TXNDC11: variants seen among roughly 807,000 people sequenced by gnomAD.
TXNDC11 encodes thioredoxin domain-containing protein 11.
TXNDC11 carries 68 observed loss-of-function variants against 78.0 expected under a neutral mutation model. The ratio of observed to expected loss-of-function variants is 0.87; its 90% CI spans 0.72 to 1.07. The LOEUF (loss-of-function observed/expected upper bound fraction) is 1.07, where lower values mean the gene tolerates loss of function less well. Ranked by LOEUF, TXNDC11 falls within the 50% of genes least tolerant of loss-of-function variation. TXNDC11 has a pLI of 0.00. For synonymous variants in TXNDC11, 571 were observed against 495.2 expected, an observed-to-expected ratio of 1.15 and a Z score of -2.03; for missense variants, 1,389 against 1,221.8, an observed-to-expected ratio of 1.14 and a Z score of -2.04.
At chr16:11,694,127 GA>G (rs2050794515) in intron 7 of TXNDC11, among the ~76,000 whole-genome samples, 1 of 22,534 alleles carries the variant, frequency 4.4e-5, no homozygotes, top group Non-Finnish European at 7.7e-5. Context: ...TTTTTTTTTT[GA>G]GACAGAGTTT....
At chr16:11,730,620 AG>A (rs747998187) in intron 4 of TXNDC11, 24 bp downstream of exon 4, 64 of 1,610,848 alleles carry the variant, frequency 4.0e-5, no homozygotes, top group Non-Finnish European at 5.3e-5. Flanking sequence ...TTGAGTATGG[AG>A]GAGGAGATAT....
chr16:11,733,972 A>C lies in TXNDC11; in HGVS notation c.569+10T>G. 1 of 1,591,914 alleles carries C rather than the reference A, an allele frequency of 6.3e-7. No homozygotes were observed. Among genetic ancestry groups the C allele is most frequent in the Non-Finnish European group, 8.6e-7 (1 of 1,164,518 alleles). On this transcript the variant is annotated intron_variant, in intron 3 of 11. Coordinates refer to ENST00000283033, the MANE Select transcript of TXNDC11 (RefSeq NM_015914.7). The stretch of plus-strand genomic sequence containing the variant: ...ACTGGAATGAGAGACGCTATTTAAA[A>C]AGTTCTTACCTCCGATGATACAGAT...
chr16:11,728,683 C>T (rs2051955177), intron 4 of TXNDC11, among the ~76,000 whole-genome samples: 1 of 152,198 alleles, frequency 6.6e-6, no homozygotes, highest in South Asian at 2.1e-4. Context: ...TGATGGCTCA[C>T]ACCTGTAATC....
chr16:11,684,198 C>T lies in TXNDC11; in HGVS notation c.2201G>A (p.Arg734His), dbSNP rs567736811. Residue 734 changes from arginine (R) to histidine (H), a missense_variant, in exon 11 of 12, where the codon CGT becomes CAT. Coordinates refer to ENST00000283033, the MANE Select transcript of TXNDC11 (RefSeq NM_015914.7). Reference protein sequence around the residue: ...NDLPWEFMVDRLPTVLFFPCN... With the variant: ...NDLPWEFMVDHLPTVLFFPCN... ...GGGAAAAAACAAGACAGTAGGAAGA[C>T]GATCGACCATAAATTCCCAAGGAAG... 16 of 1,613,714 alleles carry T rather than the reference C, an allele frequency of 9.9e-6. No individual in the cohort carries two copies. In the Admixed American group the frequency reaches 1.0e-4, roughly 10 times the overall value.
chr16:11,688,322 T>C lies in TXNDC11; in HGVS notation c.2024A>G (p.Glu675Gly). 2 of 1,613,984 alleles carry C rather than the reference T, an allele frequency of 1.2e-6. No homozygotes were observed. Among genetic ancestry groups the C allele is most frequent in the Non-Finnish European group, 1.7e-6 (2 of 1,179,990 alleles). Residue 675 changes from glutamate to glycine, a missense_variant, in exon 9 of 12, where the codon GAA becomes GGA. Physicochemically the swap from Glu to Gly is moderately conservative, Grantham distance 98 (BLOSUM62 -2). Coordinates refer to ENST00000283033, the MANE Select transcript of TXNDC11 (RefSeq NM_015914.7). ...CCATACCTGTTTTTGAAGGACTACT[T>C]CCCAAAAGGTATCAGTTGTCACTTC... ...ITEVTTDTFWEVVLQKQDVLL... is the reference protein window; with the variant it reads ...ITEVTTDTFWGVVLQKQDVLL...
At chr16:11,725,503 C>T (rs1027399171) in intron 4 of TXNDC11, among the ~76,000 whole-genome samples, 5 of 152,094 alleles carry the variant, frequency 3.3e-5, no homozygotes, top group Non-Finnish European at 7.3e-5. Context: ...AATTCAGGAA[C>T]CTTAAATATT....
At chr16:11,697,786 T>TTTCAC (rs1275427897) in intron 7 of TXNDC11, among the ~76,000 whole-genome samples, 9 of 152,238 alleles carry the variant, frequency 5.9e-5, no homozygotes, top group Non-Finnish European at 1.0e-4. Context: ...CCACTCCCTG[T>TTTCAC]TTCACCCCCT....
At chr16:11,738,983 C>T (rs904539519) in intron 1 of TXNDC11, among the ~76,000 whole-genome samples, 2 of 151,942 alleles carry the variant, frequency 1.3e-5, no homozygotes, top group African/African-American at 2.4e-5. Flanking sequence ...GCCAAGATCA[C>T]GCCATTGCAC....
chr16:11,730,540 G>T, intron 4 of TXNDC11, 105 bp downstream of exon 4: 1 of 1,195,604 alleles, frequency 8.4e-7, no homozygotes, highest in Non-Finnish European at 1.2e-6. Flanking sequence ...CCTTTTACTT[G>T]CTGCAATTCA....
intron 5 of TXNDC11, among the ~76,000 whole-genome samples, chr16:11,708,262 G>C (rs941372042): frequency 2.6e-5 from 4 of 152,158 alleles, no homozygotes; most frequent in Non-Finnish European, 5.9e-5. Flanking sequence ...CACTTATCTG[G>C]TAAGATCACA....
chr16:11,713,121 A>T (rs1202437503), intron 5 of TXNDC11, among the ~76,000 whole-genome samples: 1 of 150,228 alleles, frequency 6.7e-6, no homozygotes, highest in Non-Finnish European at 1.5e-5. Flanking sequence ...AAAAAAAAAA[A>T]AAAAAAAAAT....
chr16:11,696,617 C>A (rs369624872), intron 7 of TXNDC11, among the ~76,000 whole-genome samples: 6 of 152,324 alleles, frequency 3.9e-5, no homozygotes, highest in Admixed American at 1.3e-4. Context: ...GATGCCACCT[C>A]GTGTTCGGTC....
chr16:11,710,436 T>C (rs1250704904), intron 5 of TXNDC11, among the ~76,000 whole-genome samples: 1 of 152,206 alleles, frequency 6.6e-6, no homozygotes, highest in Non-Finnish European at 1.5e-5. Context: ...ATTTTCAAGA[T>C]GAAGTGTCCC....
chr16:11,684,002 C>A (rs2050500598), intron 11 of TXNDC11, among the ~76,000 whole-genome samples, 163 bp downstream of exon 11: 3 of 152,154 alleles, frequency 2.0e-5, no homozygotes, highest in Admixed American at 1.3e-4. Flanking sequence ...CTGCCTGCCT[C>A]AGCCTCCCAA....
intron 5 of TXNDC11, among the ~76,000 whole-genome samples, chr16:11,708,471 G>A (rs2051246301): frequency 6.6e-6 from 1 of 152,182 alleles, no homozygotes; most frequent in Non-Finnish European, 1.5e-5. Context: ...AGTACCCAAG[G>A]ATACACTGAA....
chr16:11,696,204 G>A (rs1023908238), intron 7 of TXNDC11, among the ~76,000 whole-genome samples: 5 of 151,906 alleles, frequency 3.3e-5, no homozygotes, highest in African/African-American at 9.7e-5. Flanking sequence ...AGCAACTCCC[G>A]TCCCTCATGT....
intron 5 of TXNDC11, among the ~76,000 whole-genome samples, chr16:11,712,249 A>G (rs1188701790): frequency 6.6e-6 from 1 of 152,180 alleles, no homozygotes; most frequent in Non-Finnish European, 1.5e-5. Context: ...AATGAACACT[A>G]AATTTGGCTC....
At chr16:11,732,972 C>T (rs1168424748) in intron 3 of TXNDC11, among the ~76,000 whole-genome samples, 1 of 152,206 alleles carries the variant, frequency 6.6e-6, no homozygotes, top group Non-Finnish European at 1.5e-5. Flanking sequence ...TATCTCCTAT[C>T]TCCAAAACTC....
At position 11,709,792 on chromosome 16, in the gene TXNDC11, G is replaced by C. The variant is rs548537851; in HGVS notation, c.794-9228C>G. Among the ~76,000 whole-genome samples the C allele has an allele frequency of 4.9e-4, 75 of 152,216 alleles. 1 individual carries two copies. The South Asian group carries it at 5.0e-3, about 10-fold the overall frequency. On this transcript the variant is annotated intron_variant, in intron 5 of 11. Transcript: ENST00000283033. ...GAAGGAAAGAGAAATGTAGTTCCAAGTACATGATTTTAGGAGAAAATAAAC... is the reference window on the plus strand; with the variant it reads ...GAAGGAAAGAGAAATGTAGTTCCAACTACATGATTTTAGGAGAAAATAAAC...
Sources: allele counts gnomAD v4.1 joint callset (sites outside exome capture counted in the v4.1 genomes callset), GRCh38; gene constraint gnomAD v4.1.1; transcripts MANE v1.5; gene names NCBI Gene and HGNC (gene_info 2026-07-23, HGNC 2026-07-21).